CHRD: variants seen among roughly 807,000 people sequenced by gnomAD.
CHRD encodes chordin.
Under a neutral mutation model 113.7 loss-of-function variants are expected in CHRD, and 69 were observed. That is an observed-to-expected ratio of 0.61 (90% confidence interval 0.50 to 0.74). CHRD has a LOEUF of 0.74. CHRD is among the 30% of genes least tolerant of loss of function. The pLI is 0.00. For missense variants in CHRD, 1,194 were observed against 1,295.8 expected (o/e 0.92, Z 1.21); for synonymous variants, 561 against 540.8 (o/e 1.04, Z -0.52).
rs1715075818 is a variant in CHRD at position 184,380,313 on chromosome 3, C to A, written c.-6C>A. On this transcript the variant is annotated 5_prime_UTR_variant, in exon 1 of 23. Transcript: ENST00000204604. This position sits in a 1 kb window ranked among gnomAD's most constrained non-coding sequence, Gnocchi z 6.3. ...CTCCCTCCTCCCCAGCTGTCCCGTT[C>A]GCGTCATGCCGAGCCTCCCGGCCCC... 1.6e-6 allele frequency: 2 copies of A among 1,267,020 alleles called. No homozygotes were observed. The highest frequency in any genetic ancestry group is 2.0e-6 in the Non-Finnish European group (2 of 990,572). The allele number at this position is 1,267,020 out of a possible 1,614,324, so 78.5% of individuals were successfully genotyped here. A position where few individuals can be genotyped will look rare whatever the true frequency, so the allele number is the denominator to read the frequency against.
At position 184,389,014 on chromosome 3, in the gene CHRD, G is replaced by A. The variant is rs764710080; in HGVS notation, c.2812+19G>A. 1 of 1,572,096 alleles carries A rather than the reference G, an allele frequency of 6.4e-7. No individual in the cohort carries two copies. Among genetic ancestry groups the A allele is most frequent in the Middle Eastern group, 1.7e-4 (1 of 6,002 alleles). ...CGGCGGCGTAAGTGAGGGAGTCCAGGGTCAGCAGCTGTGAGTGGAGGGCTC... is the reference window on the plus strand; with the variant it reads ...CGGCGGCGTAAGTGAGGGAGTCCAGAGTCAGCAGCTGTGAGTGGAGGGCTC... On this transcript the variant is annotated intron_variant, in intron 22 of 22. Coordinates refer to ENST00000204604, the Ensembl canonical transcript of CHRD.
downstream of CHRD, chr3:184,390,518 C>G (rs543280353): frequency 5.0e-4 from 76 of 151,984 alleles, no homozygotes; most frequent in African/African-American, 1.7e-3. Context: ...TTGGAATCAG[C>G]TCTGATCCAG....
chr3:184,383,222 T>G, intron 10 of CHRD, 59 bp downstream of exon 10: 1 of 1,587,492 alleles, frequency 6.3e-7, no homozygotes. Flanking sequence ...CACAGACAAG[T>G]GCCAGGGTGG....
In CHRD at chr3:184,384,530, C is replaced by A; in HGVS notation, c.1441-7C>A. On this transcript the variant is annotated splice_polypyrimidine_tract_variant and splice_region_variant and intron_variant, in intron 12 of 22. Coordinates refer to ENST00000204604, the Ensembl canonical transcript of CHRD. The surrounding 1 kb of genome is among the most constrained non-coding windows in gnomAD (Gnocchi z 4.4). ...AGCTGAGAAGGCCTATCCTCCCCTG[C>A]CCCCAGGCCGTGGGTATCTGCCCTG... 1 of 1,517,100 alleles carries A rather than the reference C, an allele frequency of 6.6e-7. No homozygotes were observed. The highest frequency in any genetic ancestry group is 2.3e-5 in the East Asian group (1 of 42,866). The allele number at this position is 1,517,100 out of a possible 1,614,324, so 94.0% of individuals were successfully genotyped here.
chr3:184,386,559 G>C lies in CHRD; in HGVS notation c.2000G>C (p.Arg667Pro), dbSNP rs754915047. Residue 667 changes from arginine to proline, a missense_variant, in exon 16 of 23, where the codon CGG becomes CCG. Arg to Pro is a moderately radical substitution (Grantham distance 103). Coordinates refer to ENST00000204604, the Ensembl canonical transcript of CHRD. ...GAGGCGGCCGGGGCCGAGGGGGTGC[G>C]GGCGCTGGGGGCTCCGGATACAGCC... The C allele has an allele frequency of 5.2e-6, 8 of 1,545,282 alleles. 1 individual carries two copies. The highest frequency in any genetic ancestry group is 4.8e-5 in the South Asian group (4 of 82,712).
Position 184,380,313 on chromosome 3 carries a change from C to T in CHRD, c.-6C>T. On this transcript the variant is annotated 5_prime_UTR_variant, in exon 1 of 23. Transcript: ENST00000204604. This position sits in a 1 kb window ranked among gnomAD's most constrained non-coding sequence, Gnocchi z 6.3. ...CTCCCTCCTCCCCAGCTGTCCCGTT[C>T]GCGTCATGCCGAGCCTCCCGGCCCC... The T allele has an allele frequency of 7.9e-7, 1 of 1,267,126 alleles. No homozygotes were observed. 78.5% of individuals were successfully genotyped at this position (1,267,126 alleles called of 1,614,324 possible).
chr3:184,389,819 C>A, exon 23 of CHRD: 1 of 165,948 alleles, frequency 6.0e-6, no homozygotes, highest in Non-Finnish European at 1.3e-5. Context: ...TAAAACATTT[C>A]TTTTTCAGTC....
In CHRD at chr3:184,383,295, G is replaced by C; in HGVS notation, c.1214-17G>C. 6.2e-7 allele frequency: 1 copy of C among 1,610,474 alleles called. No individual in the cohort carries two copies. Among genetic ancestry groups the C allele is most frequent in the South Asian group, 1.1e-5 (1 of 90,932 alleles). ...CCATGGGGTAAACCTAGCCTCACCT[G>C]TCTTGCCCCTCCGTAGTCCTGCAAA... is the stretch of plus-strand genomic sequence containing the variant. On this transcript the variant is annotated splice_polypyrimidine_tract_variant and intron_variant, in intron 10 of 22. Transcript: ENST00000204604.
In CHRD at chr3:184,382,157, G is replaced by A. The variant is rs115691848; in HGVS notation, c.699+137G>A. The A allele has an allele frequency of 8.8e-3, 11,290 of 1,279,026 alleles. 89 individuals carry two copies. Among genetic ancestry groups the A allele is most frequent in the South Asian group, 0.022 (1,709 of 76,732 alleles). The allele number at this position is 1,279,026 out of a possible 1,614,324, so 79.2% of individuals were successfully genotyped here. A position where few individuals can be genotyped will look rare whatever the true frequency, so the allele number is the denominator to read the frequency against. On this transcript the variant is annotated intron_variant, in intron 6 of 22. Transcript: ENST00000204604. ...CATTATGATGCCCATTTTACAGAAG[G>A]GGGAACTGAGGCTCAGTAGGATAAT... is the stretch of plus-strand genomic sequence containing the variant.
chr3:184,383,107 C>G lies in CHRD; in HGVS notation c.1157C>G (p.Ala386Gly), dbSNP rs374861567. The stretch of plus-strand genomic sequence containing the variant: ...GAGCTGCAGATGGCCCTGGAGTGGG[C>G]AGGCAGGCCAGGGCTGCGCATCAGT... The change falls in exon 10 of 23, where the codon GCA (alanine) becomes GGA (glycine). Residue 386 changes from alanine to glycine, a missense_variant. Physicochemically the swap from Ala to Gly is moderately conservative, Grantham distance 60 (BLOSUM62 0). Coordinates refer to ENST00000204604, the Ensembl canonical transcript of CHRD. 1.2e-6 allele frequency: 2 copies of G among 1,610,762 alleles called. No homozygotes were observed. The highest frequency in any genetic ancestry group is 1.7e-5 in the Admixed American group (1 of 59,612).
chr3:184,389,271 G>T, intron 22 of CHRD, 96 bp from the exon 23 acceptor site: 1 of 1,182,100 alleles, frequency 8.5e-7, no homozygotes, highest in Non-Finnish European at 1.2e-6. Flanking sequence ...GCCTTTCTGG[G>T]ACCAAGGCAG....
chr3:184,389,595 G>A (rs541091457), exon 23 of CHRD: 14 of 625,894 alleles, frequency 2.2e-5, no homozygotes, highest in South Asian at 2.0e-4. Flanking sequence ...AGGGGGAGAG[G>A]CAGCTGGGCC....
Position 184,384,950 on chromosome 3 carries a change from A to T in CHRD, c.1598-68A>T. ...GTGGAATGTGTGCTGGGGAGCTGGG[A>T]ATGCTGGGTTTGAGGGCTTGCCCTA... On this transcript the variant is annotated intron_variant, in intron 13 of 22. Transcript: ENST00000204604. This position sits in a 1 kb window ranked among gnomAD's most constrained non-coding sequence, Gnocchi z 4.4. 6.7e-7 allele frequency: 1 copy of T among 1,493,688 alleles called. No homozygotes were observed. Among genetic ancestry groups the T allele is most frequent in the Non-Finnish European group, 9.3e-7 (1 of 1,079,790 alleles). The allele number at this position is 1,493,688 out of a possible 1,614,324, so 92.5% of individuals were successfully genotyped here.
Position 184,386,719 on chromosome 3 carries a change from C to T in CHRD, c.2160C>T (p.Pro720=), listed in dbSNP as rs150031025. ...GCCCCCACGGGGCTCGCTGGGCGCC[C>T]AACTACGACCCGCTCTGCTCACTCT... Residue 720 remains proline (P), a synonymous_variant, in exon 16 of 23, where the codon CCC becomes CCT. Transcript: ENST00000204604. 1.9e-6 allele frequency: 3 copies of T among 1,612,418 alleles called. No homozygotes were observed. The African/African-American group carries it at 4.0e-5, about 22-fold the overall frequency.
exon 8 of CHRD, chr3:184,382,681 G>T (rs375530942): frequency 2.7e-5 from 43 of 1,613,738 alleles, no homozygotes; most frequent in Admixed American, 8.3e-5. Context: ...ACAGCAGGGC[G>T]TAGGGGGCAT....
In CHRD at chr3:184,387,650, G is replaced by A. The variant is rs1158565519; in HGVS notation, c.2451+173G>A. Among the ~76,000 whole-genome samples, 1 of 152,182 alleles carries A rather than the reference G, an allele frequency of 6.6e-6. No homozygotes were observed. Among genetic ancestry groups the A allele is most frequent in the African/African-American group, 2.4e-5 (1 of 41,438 alleles). Reference sequence around the variant, plus strand: ...GGCTTCCTGTGGGAAAATGAACAGGGCTGACCTGGGTGTGGATTCTGGCTC... The same window carrying A: ...GGCTTCCTGTGGGAAAATGAACAGGACTGACCTGGGTGTGGATTCTGGCTC... On this transcript the variant is annotated intron_variant, in intron 19 of 22. Coordinates refer to ENST00000204604, the Ensembl canonical transcript of CHRD. This position sits in a 1 kb window ranked among gnomAD's most constrained non-coding sequence, Gnocchi z 6.1.
exon 23 of CHRD, chr3:184,389,507 G>A (rs1456461082): frequency 1.6e-6 from 2 of 1,268,238 alleles, no homozygotes; most frequent in Non-Finnish European, 2.3e-6. Context: ...GCATTCTCCT[G>A]TGGGAAGCCC....
Position 184,388,470 on chromosome 3 carries a change from T to A in CHRD, c.2555-117T>A. 1.7e-6 allele frequency: 2 copies of A among 1,167,248 alleles called. No individual in the cohort carries two copies. Among genetic ancestry groups the A allele is most frequent in the Non-Finnish European group, 2.4e-6 (2 of 829,126 alleles). 72.3% of individuals were successfully genotyped at this position (1,167,248 alleles called of 1,614,324 possible). A position where few individuals can be genotyped will look rare whatever the true frequency, so the allele number is the denominator to read the frequency against. On this transcript the variant is annotated intron_variant, in intron 20 of 22. Coordinates refer to ENST00000204604, the Ensembl canonical transcript of CHRD. This position sits in a 1 kb window ranked among gnomAD's most constrained non-coding sequence, Gnocchi z 6.1. Reference sequence around the variant, plus strand: ...ATCCATTCATCTGCCCACCCACCCATCCAAATTTATCACCTACTAAGTGCC... The same window carrying A: ...ATCCATTCATCTGCCCACCCACCCAACCAAATTTATCACCTACTAAGTGCC...
chr3:184,388,514 G>C lies in CHRD; in HGVS notation c.2555-73G>C. 1 of 1,494,704 alleles carries C rather than the reference G, an allele frequency of 6.7e-7. No individual in the cohort carries two copies. Among genetic ancestry groups the C allele is most frequent in the South Asian group, 1.3e-5 (1 of 78,720 alleles). The allele number at this position is 1,494,704 out of a possible 1,614,324, so 92.6% of individuals were successfully genotyped here. A position where few individuals can be genotyped will look rare whatever the true frequency, so the allele number is the denominator to read the frequency against. ...AAGTGCCAGAAACTGCAACGTGCTGGGTATTCAAAGAGAATACTCATAAAA... is the reference window on the plus strand; with the variant it reads ...AAGTGCCAGAAACTGCAACGTGCTGCGTATTCAAAGAGAATACTCATAAAA... On this transcript the variant is annotated intron_variant, in intron 20 of 22. Transcript: ENST00000204604. The surrounding 1 kb of genome is among the most constrained non-coding windows in gnomAD (Gnocchi z 6.1).
Sources: allele counts gnomAD v4.1 joint callset (sites outside exome capture counted in the v4.1 genomes callset), GRCh38; gene constraint gnomAD v4.1.1; non-coding constraint Gnocchi (gnomAD v3.1); transcripts MANE v1.5; gene names NCBI Gene and HGNC (gene_info 2026-07-23, HGNC 2026-07-21).